The following SEL1L3 variants were observed in gnomAD, a reference collection of about 807,000 sequenced individuals.
SEL1L3 encodes protein sel-1 homolog 3.
A neutral mutation model predicts 142.8 loss-of-function variants in SEL1L3; 76 were observed. That is an observed-to-expected ratio of 0.53 (90% CI 0.44 to 0.64). SEL1L3 has a LOEUF of 0.64. SEL1L3 is among the 30% of genes least tolerant of loss of function. The pLI is 0.00. For synonymous variants in SEL1L3, 504 were observed against 519.6 expected, an observed-to-expected ratio of 0.97 and a Z score of 0.41; for missense variants, 1,262 against 1,381.7, an observed-to-expected ratio of 0.91 and a Z score of 1.37.
In SEL1L3 at chr4:25,802,262, A is replaced by T. The variant is rs977117228; in HGVS notation, c.1956+21T>A. The stretch of plus-strand genomic sequence containing the variant: ...GGTAAACAGGGCCATAACCATTCCC[A>T]ACCTTTTTTCTCTCTCATACCTGAT... On this transcript the variant is annotated intron_variant, in intron 11 of 23. Transcript: ENST00000399878. 4 of 1,600,558 alleles carry T rather than the reference A, an allele frequency of 2.5e-6. No individual in the cohort carries two copies. The African/African-American group carries it at 5.4e-5, about 22-fold the overall frequency.
At chr4:25,767,227 C>T (rs1269920863) in intron 19 of SEL1L3, among the ~76,000 whole-genome samples, 1 of 152,054 alleles carries the variant, frequency 6.6e-6, no homozygotes, top group African/African-American at 2.4e-5. Flanking sequence ...GGAGGTTGCA[C>T]TGAGCCCAGA....
intron 2 of SEL1L3, among the ~76,000 whole-genome samples, chr4:25,837,886 T>C (rs1444736819): frequency 1.3e-5 from 2 of 152,156 alleles, no homozygotes; most frequent in Admixed American, 1.3e-4. Context: ...GGCAGTGGAA[T>C]GGGTAGCAAC....
chr4:25,862,742 G>C lies in SEL1L3; in HGVS notation c.95C>G (p.Pro32Arg), dbSNP rs1464768571. The change falls in exon 1 of 24, where the codon CCG becomes CGG. Residue 32 changes from proline to arginine, a missense_variant. Pro to Arg is a moderately radical substitution (Grantham distance 103). This residue lies in a region of SEL1L3 where 689 missense variants were observed against 692.8 expected (regional missense o/e 0.99). Coordinates refer to ENST00000399878, the MANE Select transcript of SEL1L3 (RefSeq NM_015187.5). ...AVGPRAAAMV[P>R]SGGVPQGLGG... ...GAGGCCCTGGGGGACGCCGCCACTC[G>C]GGACCATGGCTGCGGCCCGGGGGCC... 1.5e-5 allele frequency: 19 copies of C among 1,254,384 alleles called. No individual in the cohort carries two copies. Among genetic ancestry groups the C allele is most frequent in the Non-Finnish European group, 1.8e-5 (18 of 1,000,454 alleles). 77.7% of individuals were successfully genotyped at this position (1,254,384 alleles called of 1,614,324 possible).
chr4:25,823,024 G>A (rs1382882874), intron 6 of SEL1L3, among the ~76,000 whole-genome samples: 1 of 152,100 alleles, frequency 6.6e-6, no homozygotes, highest in African/African-American at 2.4e-5. Flanking sequence ...CTAAGAAAGA[G>A]GCTAACAGAT....
intron 1 of SEL1L3, among the ~76,000 whole-genome samples, chr4:25,851,887 CAAAAAAAAAAA>C (rs35600659): frequency 1.7e-5 from 1 of 59,578 alleles, no homozygotes; most frequent in South Asian, 6.9e-4. Flanking sequence ...GACTCTGTCT[CAAAAAAAAAAA>C]AAAAAAAAAG....
chr4:25,719,798 A>T, the SEL1L3 span: 28 of 152,310 alleles, frequency 1.8e-4, no homozygotes, highest in East Asian at 5.4e-3. Flanking sequence ...GGAGATTGAA[A>T]CTAGTAAGGA....
chr4:25,737,724 A>G, the SEL1L3 span, among the ~76,000 whole-genome samples: 3 of 152,234 alleles, frequency 2.0e-5, no homozygotes, highest in Non-Finnish European at 4.4e-5. Flanking sequence ...ATATAAAATG[A>G]CATAGTATTT....
chr4:25,862,634 C>T (rs1717805236), intron 1 of SEL1L3, 41 bp downstream of exon 1: 29 of 1,164,546 alleles, frequency 2.5e-5, no homozygotes, highest in Non-Finnish European at 3.0e-5. Context: ...TCCCCGGGGC[C>T]CCGCGCGGAG....
intron 9 of SEL1L3, among the ~76,000 whole-genome samples, chr4:25,809,313 T>C (rs1430704978): frequency 2.0e-5 from 3 of 150,908 alleles, no homozygotes; most frequent in Admixed American, 6.6e-5. Flanking sequence ...GGCTAATTTT[T>C]TTTTTTTTTT....
the SEL1L3 span, among the ~76,000 whole-genome samples, chr4:25,722,623 G>GA: frequency 8.0e-6 from 1 of 125,124 alleles, no homozygotes; most frequent in African/African-American, 4.6e-5. Flanking sequence ...TCCAAAGGAG[G>GA]CTTTTTTTTT....
At chr4:25,732,572 T>C in the SEL1L3 span, among the ~76,000 whole-genome samples, 1 of 152,208 alleles carries the variant, frequency 6.6e-6, no homozygotes, top group Non-Finnish European at 1.5e-5. Flanking sequence ...TTAATTTTCA[T>C]TGAATGATGA....
chr4:25,849,400 A>C (rs535538381), intron 1 of SEL1L3, among the ~76,000 whole-genome samples: 25 of 152,324 alleles, frequency 1.6e-4, no homozygotes, highest in African/African-American at 5.5e-4. Flanking sequence ...AACTTTGAGG[A>C]GATGAGGCTA....
downstream of SEL1L3, among the ~76,000 whole-genome samples, chr4:25,747,148 A>C (rs917556952): frequency 6.6e-6 from 1 of 152,222 alleles, no homozygotes; most frequent in African/African-American, 2.4e-5. Flanking sequence ...ATGAACTACA[A>C]GCTTAGCCTG....
At chr4:25,753,574 G>A (rs1163952120) in intron 23 of SEL1L3, among the ~76,000 whole-genome samples, 1 of 152,182 alleles carries the variant, frequency 6.6e-6, no homozygotes, top group Admixed American at 6.5e-5. Context: ...GTAGAAACTT[G>A]GTCTCTGAGC....
chr4:25,833,894 T>C (rs959985721), intron 3 of SEL1L3, among the ~76,000 whole-genome samples: 8 of 152,194 alleles, frequency 5.3e-5, no homozygotes, highest in African/African-American at 1.4e-4. Context: ...AAGTCAGACA[T>C]AGATTAAAAA....
At chr4:25,743,952 G>A (rs1717187878), downstream of SEL1L3, among the ~76,000 whole-genome samples, 1 of 152,188 alleles carries the variant, frequency 6.6e-6, no homozygotes, top group South Asian at 2.1e-4. Flanking sequence ...AGAGAGAAGA[G>A]GGAGCTTGGG....
intron 20 of SEL1L3, 148 bp from the exon 21 acceptor site, chr4:25,759,216 G>A (rs1465753718): frequency 1.2e-5 from 9 of 776,214 alleles, no homozygotes; most frequent in South Asian, 7.7e-5. Flanking sequence ...TTGATGAATT[G>A]TTTCCCTAAA....
At chr4:25,838,444 A>T (rs1715969705) in intron 2 of SEL1L3, among the ~76,000 whole-genome samples, 2 of 152,208 alleles carry the variant, frequency 1.3e-5, no homozygotes, top group African/African-American at 4.8e-5. Context: ...CTTATTGAAG[A>T]TTTCATAGCT....
intron 9 of SEL1L3, among the ~76,000 whole-genome samples, chr4:25,814,984 G>A (rs1225088589): frequency 6.6e-6 from 1 of 152,106 alleles, no homozygotes; most frequent in African/African-American, 2.4e-5. Flanking sequence ...GTGACCTAGA[G>A]AAAGAGGTGC....
Sources: allele counts gnomAD v4.1 joint callset (sites outside exome capture counted in the v4.1 genomes callset), GRCh38; gene constraint gnomAD v4.1.1; regional missense constraint gnomAD v4.1.1; transcripts MANE v1.5; gene names NCBI Gene and HGNC (gene_info 2026-07-23, HGNC 2026-07-21).